The following MAST4 variants were observed in gnomAD, a reference collection of about 807,000 sequenced individuals.
MAST4 encodes the protein microtubule-associated serine/threonine-protein kinase 4.
A neutral mutation model predicts 162.7 loss-of-function variants in MAST4; 89 were observed. The ratio of observed to expected loss-of-function variants is 0.55; its 90% confidence interval spans 0.46 to 0.65. The LOEUF is 0.65. MAST4 is among the 30% of genes least tolerant of loss of function. MAST4 has a pLI of 0.00. For synonymous variants in MAST4, 1,479 were observed against 1,361.1 expected (o/e 1.09, Z -1.91); for missense variants, 3,153 against 3,374.0 (o/e 0.93, Z 1.62).
intron 4 of MAST4, among the ~76,000 whole-genome samples, chr5:66,931,655 T>C (rs957138905): frequency 6.6e-6 from 1 of 152,186 alleles, no homozygotes; most frequent in Admixed American, 6.5e-5. Flanking sequence ...AGTTTGGAAA[T>C]GGTGTTTTCT....
chr5:66,841,249 T>G (rs1371204671), intron 3 of MAST4, among the ~76,000 whole-genome samples: 3 of 152,176 alleles, frequency 2.0e-5, no homozygotes, highest in African/African-American at 7.2e-5. Context: ...CTCCTTCCCT[T>G]GCATCATATG....
At chr5:66,877,532 C>T (rs75855620) in intron 3 of MAST4, among the ~76,000 whole-genome samples, 5,968 of 152,258 alleles carry the variant, frequency 0.039, 195 homozygotes, top group East Asian at 0.12. Flanking sequence ...AACCACTAAG[C>T]CTTGCTGACT....
intron 19 of MAST4, among the ~76,000 whole-genome samples, chr5:67,140,255 G>A (rs1394918314): frequency 1.3e-5 from 2 of 152,234 alleles, no homozygotes; most frequent in African/African-American, 2.4e-5. Context: ...CACCCGCACC[G>A]TGCTGACGAC....
chr5:66,870,584 ATAACT>A (rs1760856969), intron 3 of MAST4, among the ~76,000 whole-genome samples: 1 of 146,270 alleles, frequency 6.8e-6, no homozygotes, highest in South Asian at 2.2e-4. Flanking sequence ...TTATAATAAA[ATAACT>A]TGCACATCAC....
intron 1 of MAST4, among the ~76,000 whole-genome samples, chr5:66,734,999 T>A (rs1015355008): frequency 1.3e-5 from 2 of 152,214 alleles, no homozygotes; most frequent in African/African-American, 4.8e-5. Context: ...TTAGAAGACA[T>A]TGCAGAAACT....
At chr5:66,856,716 A>G (rs1759711211) in intron 3 of MAST4, among the ~76,000 whole-genome samples, 2 of 152,248 alleles carry the variant, frequency 1.3e-5, no homozygotes, top group South Asian at 4.1e-4. Context: ...GCATTTGCAC[A>G]AAGACAGCCC....
chr5:66,969,889 A>C (rs932289738), intron 4 of MAST4, among the ~76,000 whole-genome samples: 1 of 152,244 alleles, frequency 6.6e-6, no homozygotes, highest in Non-Finnish European at 1.5e-5. Flanking sequence ...GAACATTGAA[A>C]AAATCTGAAG....
At chr5:67,042,537 G>A (rs774001502) in intron 4 of MAST4, among the ~76,000 whole-genome samples, 8 of 147,836 alleles carry the variant, frequency 5.4e-5, no homozygotes, top group Non-Finnish European at 1.0e-4. Context: ...TTTTTTTTCC[G>A]CGCTTTTCAC....
At position 67,069,247 on chromosome 5, in the gene MAST4, A is replaced by G. The variant is rs1380709680; in HGVS notation, c.763+14755A>G. 3.5e-5 allele frequency among the ~76,000 whole-genome samples: 5 copies of G among 140,932 alleles called. No homozygotes were observed. In the East Asian group the frequency reaches 1.0e-3, roughly 28 times the overall value. The allele number at this position is 140,932 out of a possible 152,430, so 92.5% of individuals were successfully genotyped here. On this transcript the variant is annotated intron_variant, in intron 5 of 28. Coordinates refer to ENST00000403625, the MANE Select transcript of MAST4 (RefSeq NM_001164664.2). ...AATATGACTTTGAACAATTCTCTTAACTTGGCTTTAATTTCCTTTTCTGTT... is the reference window on the plus strand; with the variant it reads ...AATATGACTTTGAACAATTCTCTTAGCTTGGCTTTAATTTCCTTTTCTGTT...
At chr5:67,154,732 A>G (rs1772279016) in intron 26 of MAST4, among the ~76,000 whole-genome samples, 1 of 152,248 alleles carries the variant, frequency 6.6e-6, no homozygotes, top group Non-Finnish European at 1.5e-5. Context: ...CTCTGTCACA[A>G]ATCCAAAGAA....
At position 67,166,229 on chromosome 5, in the gene MAST4, CAACA is replaced by C. The variant is rs1561213924; in HGVS notation, c.7051_7054del (p.Asn2351AspfsTer49). 5 of 1,551,810 alleles carry C rather than the reference CAACA, an allele frequency of 3.2e-6. No individual in the cohort carries two copies. In the East Asian group the frequency reaches 9.8e-5, roughly 30 times the overall value. ...GCCCCACCCTGTGCAAACAGACAGA[CAACA>C]GACAGACAGACAAAAGCCCGAGTCA... On this transcript the variant is annotated frameshift_variant, in exon 29 of 29. Coordinates refer to ENST00000403625, the MANE Select transcript of MAST4 (RefSeq NM_001164664.2). LOFTEE classifies it low-confidence loss of function (END_TRUNC).
intron 4 of MAST4, among the ~76,000 whole-genome samples, chr5:66,968,203 C>T (rs912879444): frequency 1.3e-5 from 2 of 152,198 alleles, no homozygotes; most frequent in African/African-American, 4.8e-5. Flanking sequence ...TGCTTCATCC[C>T]CCAACATCTT....
At chr5:66,785,195 T>C (rs770976757) in intron 2 of MAST4, among the ~76,000 whole-genome samples, 25 of 152,136 alleles carry the variant, frequency 1.6e-4, no homozygotes, top group Non-Finnish European at 3.1e-4. Flanking sequence ...TGCGCCATTG[T>C]ACTCCAGCCT....
intron 11 of MAST4, among the ~76,000 whole-genome samples, chr5:67,112,926 C>T (rs1766421706): frequency 6.6e-6 from 1 of 152,036 alleles, no homozygotes; most frequent in East Asian, 1.9e-4. Context: ...CAGAGGCTAC[C>T]CAGGAGTGCC....
chr5:66,642,103 T>G lies in MAST4; in HGVS notation c.363+45085T>G, dbSNP rs528545372. Among the ~76,000 whole-genome samples the G allele has an allele frequency of 5.3e-5, 8 of 152,334 alleles. No homozygotes were observed. The South Asian group carries it at 1.7e-3, about 32-fold the overall frequency. ...ATCACACGGAGACAACTAGACATTA[T>G]GTATTTCCTGATGGAAGTAGACAGC... On this transcript the variant is annotated intron_variant, in intron 1 of 28. Coordinates refer to ENST00000403625, the MANE Select transcript of MAST4 (RefSeq NM_001164664.2).
chr5:66,706,326 G>A (rs1750123201), intron 1 of MAST4, among the ~76,000 whole-genome samples: 1 of 152,150 alleles, frequency 6.6e-6, no homozygotes, highest in Non-Finnish European at 1.5e-5. Context: ...GATTCAGTAA[G>A]TGTCACAAAA....
intron 3 of MAST4, among the ~76,000 whole-genome samples, chr5:66,871,502 T>C (rs916973378): frequency 1.3e-5 from 2 of 152,216 alleles, no homozygotes; most frequent in African/African-American, 2.4e-5. Flanking sequence ...TAGATAGCAG[T>C]AGCCACAGAA....
chr5:66,601,756 G>C (rs1561205634), intron 1 of MAST4, among the ~76,000 whole-genome samples: 1 of 152,178 alleles, frequency 6.6e-6, no homozygotes, highest in Non-Finnish European at 1.5e-5. Flanking sequence ...ATACAGAGCT[G>C]TCTGGACTTT....
intron 3 of MAST4, among the ~76,000 whole-genome samples, chr5:66,883,154 G>GT (rs1761800445): frequency 6.6e-6 from 1 of 152,230 alleles, no homozygotes; most frequent in African/African-American, 2.4e-5. Context: ...CTCACCCCTG[G>GT]TGGATTGGCA....
Sources: gnomAD v4.1 joint callset for allele counts (sites outside exome capture counted in the v4.1 genomes callset) on GRCh38, gnomAD v4.1.1 for gene constraint, MANE v1.5 for transcripts, NCBI Gene and HGNC (gene_info 2026-07-23, HGNC 2026-07-21) for gene names.